SIPA1L1: variants seen among roughly 807,000 people sequenced by gnomAD.
SIPA1L1 encodes the protein signal-induced proliferation-associated 1-like protein 1.
A neutral mutation model predicts 162.7 loss-of-function variants in SIPA1L1; 26 were observed. That is an observed-to-expected ratio of 0.16 (90% CI 0.12 to 0.22). The LOEUF (loss-of-function observed/expected upper bound fraction) is 0.22. SIPA1L1 is among the 10% of genes least tolerant of loss of function. The probability of loss-of-function intolerance (pLI) is 1.00; values close to 1 mark genes in which losing one functional copy is unlikely to be tolerated. For missense variants in SIPA1L1, 1,874 were observed against 2,241.0 expected, an observed-to-expected ratio of 0.84 and a Z score of 3.31; for synonymous variants, 829 against 837.4, an observed-to-expected ratio of 0.99 and a Z score of 0.17.
chr14:71,586,597 A>G (rs966014940), intron 4 of SIPA1L1: 4 of 152,224 alleles, frequency 2.6e-5, no homozygotes, highest in African/African-American at 9.6e-5. Context: ...GTACGCAACC[A>G]TGCAGAATTT....
intron 2 of SIPA1L1, among the ~76,000 whole-genome samples, chr14:71,445,376 T>G (rs2045261339): frequency 6.6e-6 from 1 of 152,210 alleles, no homozygotes; most frequent in South Asian, 2.1e-4. Flanking sequence ...AAATTTAATC[T>G]TGTTTAGCTA....
intron 2 of SIPA1L1, among the ~76,000 whole-genome samples, chr14:71,450,423 A>G (rs917899865): frequency 2.6e-5 from 4 of 152,236 alleles, no homozygotes; most frequent in African/African-American, 7.2e-5. Flanking sequence ...CTTCACAGAA[A>G]TGAGTCATTC....
intron 2 of SIPA1L1, among the ~76,000 whole-genome samples, chr14:71,404,088 G>A (rs1034542614): frequency 1.6e-4 from 24 of 145,606 alleles, no homozygotes; most frequent in African/African-American, 5.6e-4. Flanking sequence ...TTGCCAGAAA[G>A]CTAAAAATTC....
intron 2 of SIPA1L1, among the ~76,000 whole-genome samples, chr14:71,485,331 C>G (rs961507756): frequency 4.6e-5 from 7 of 152,210 alleles, no homozygotes; most frequent in African/African-American, 1.7e-4. Context: ...CTCTTGGGAA[C>G]TGGGCTGCGT....
intron 2 of SIPA1L1, among the ~76,000 whole-genome samples, chr14:71,475,191 A>G (rs2047749819): frequency 6.6e-6 from 1 of 152,234 alleles, no homozygotes; most frequent in South Asian, 2.1e-4. Context: ...ACCAAGAAGT[A>G]CCAGTCTTTA....
intron 2 of SIPA1L1, among the ~76,000 whole-genome samples, chr14:71,488,786 C>T (rs1458775666): frequency 6.6e-6 from 1 of 152,118 alleles, no homozygotes; most frequent in Non-Finnish European, 1.5e-5. Flanking sequence ...TTGTTGGCAT[C>T]TTCTTCTGGA....
chr14:71,686,368 A>G (rs1156395184), intron 13 of SIPA1L1, among the ~76,000 whole-genome samples: 1 of 152,196 alleles, frequency 6.6e-6, no homozygotes, highest in Non-Finnish European at 1.5e-5. Flanking sequence ...TTTGAACTAG[A>G]GTCCAGGCCT....
chr14:71,694,986 T>C (rs2081517790), intron 13 of SIPA1L1, among the ~76,000 whole-genome samples: 1 of 152,202 alleles, frequency 6.6e-6, no homozygotes, highest in Non-Finnish European at 1.5e-5. Flanking sequence ...TCCCAGTTCT[T>C]GAAGCACCTC....
At chr14:71,502,930 C>T (rs1223313681) in intron 2 of SIPA1L1, among the ~76,000 whole-genome samples, 1 of 152,142 alleles carries the variant, frequency 6.6e-6, no homozygotes, top group African/African-American at 2.4e-5. Context: ...AAAATATTAT[C>T]TCCATATTTT....
intron 14 of SIPA1L1, 54 bp from the exon 15 acceptor site, chr14:71,702,327 C>G (rs1335580272): frequency 6.2e-6 from 10 of 1,601,078 alleles, no homozygotes; most frequent in Non-Finnish European, 8.5e-6. Flanking sequence ...GACTGCCTTC[C>G]CCTCATGGGT....
At chr14:71,498,432 T>C (rs2049955328) in intron 2 of SIPA1L1, among the ~76,000 whole-genome samples, 1 of 152,198 alleles carries the variant, frequency 6.6e-6, no homozygotes, top group Non-Finnish European at 1.5e-5. Context: ...TGAATAAGGC[T>C]ATAAGAATCA....
intron 14 of SIPA1L1, among the ~76,000 whole-genome samples, chr14:71,701,051 T>C (rs2082066226): frequency 7.3e-6 from 1 of 136,486 alleles, no homozygotes; most frequent in Non-Finnish European, 1.6e-5. Context: ...TTAAGATAAG[T>C]GTTTTTCTAG....
chr14:71,495,772 G>A (rs1323985399), intron 2 of SIPA1L1, among the ~76,000 whole-genome samples: 1 of 151,028 alleles, frequency 6.6e-6, no homozygotes, highest in Non-Finnish European at 1.5e-5. Context: ...ATTCTCAGCT[G>A]TGAGCAGTGT....
chr14:71,709,425 G>A lies in SIPA1L1; in HGVS notation c.3969G>A (p.Gly1323=). ...GPSHGSTASL[G]AATSSPRSGP... ...GCCACGGCAGCACAGCCTCGCTGGG[G>A]GCTGCCACATCGTCACCTCGCTCAG... Residue 1323 remains glycine (G), a synonymous_variant, in exon 17 of 24, where the codon GGG becomes GGA. Transcript: ENST00000381232. 6.2e-7 allele frequency: 1 copy of A among 1,614,210 alleles called. No individual in the cohort carries two copies. The highest frequency in any genetic ancestry group is 1.1e-5 in the South Asian group (1 of 91,086).
chr14:71,356,586 A>AAAAAAAAAAAAAAAAAAAAAAAAC (rs1323653711), intron 2 of SIPA1L1, among the ~76,000 whole-genome samples: 1 of 147,294 alleles, frequency 6.8e-6, no homozygotes, highest in Non-Finnish European at 1.5e-5. Flanking sequence ...AAAAAAAAAA[A>AAAAAAAAAAAAAAAAAAAAAAAAC]AGCACACCTG....
chr14:71,709,505 C>G lies in SIPA1L1; in HGVS notation c.4049C>G (p.Ser1350Cys). ...TGGCACAGCTCCAGTGAAGTAATCT[C>G]CATGGCAGATCGGACTTTGGAGACA... ...PLWHSSSEVI[S>C]MADRTLETES... Residue 1350 changes from serine (S) to cysteine (C), a missense_variant, in exon 17 of 24, where the codon TCC becomes TGC. By Grantham distance (112) the Ser-to-Cys change is moderately radical. This residue lies in a region of SIPA1L1 where 936 missense variants were observed against 1,051.9 expected (regional missense o/e 0.89). Transcript: ENST00000381232. 6.2e-7 allele frequency: 1 copy of G among 1,614,232 alleles called. No homozygotes were observed. Among genetic ancestry groups the G allele is most frequent in the Non-Finnish European group, 8.5e-7 (1 of 1,180,038 alleles).
intron 2 of SIPA1L1, among the ~76,000 whole-genome samples, chr14:71,340,057 T>TTA (rs766899692): frequency 1.3e-5 from 2 of 152,248 alleles, no homozygotes; most frequent in Non-Finnish European, 2.9e-5. Flanking sequence ...GCCTGTCTGC[T>TTA]TATAATAGGT....
chr14:71,543,044 C>T (rs1005034927), intron 4 of SIPA1L1, among the ~76,000 whole-genome samples: 2 of 151,868 alleles, frequency 1.3e-5, no homozygotes, highest in Non-Finnish European at 2.9e-5. Flanking sequence ...ACTCCTCCTT[C>T]CTCATCTCTT....
At chr14:71,345,230 G>A (rs950205569) in intron 2 of SIPA1L1, among the ~76,000 whole-genome samples, 2 of 152,140 alleles carry the variant, frequency 1.3e-5, no homozygotes, top group Admixed American at 1.3e-4. Context: ...GAGGTTAAGA[G>A]GGCACTGTGT....
Sources: gnomAD v4.1 joint callset for allele counts (sites outside exome capture counted in the v4.1 genomes callset) on GRCh38, gnomAD v4.1.1 for gene constraint, gnomAD v4.1.1 regional missense constraint, MANE v1.5 for transcripts, NCBI Gene and HGNC (gene_info 2026-07-23, HGNC 2026-07-21) for gene names.